Variants in CYP4F11 observed in about 807,000 individuals in gnomAD.
CYP4F11 encodes the protein cytochrome P450 family 4 subfamily F member 11.
CYP4F11 carries 79 observed loss-of-function variants against 62.2 expected under a neutral mutation model. The observed-to-expected ratio is 1.27, with a 90% confidence interval of 1.06 to 1.53. CYP4F11 has a LOEUF of 1.53. Ranked by LOEUF, CYP4F11 falls within the 40% of genes most tolerant of loss-of-function variation. The pLI, the probability that CYP4F11 is intolerant of heterozygous loss-of-function variation, is 0.00. For synonymous variants in CYP4F11, 290 were observed against 263.7 expected (o/e 1.10, Z -0.97); for missense variants, 777 against 680.5 (o/e 1.14, Z -1.58).
In CYP4F11 at chr19:15,912,790, A is replaced by AGTGTGTGTGTG. The variant is rs775427798; in HGVS notation, c.*941_*942insCACACACACAC. 1,585 of 43,458 alleles carry AGTGTGTGTGTG rather than the reference A, an allele frequency of 0.036. 144 individuals are homozygous for AGTGTGTGTGTG. The highest frequency in any genetic ancestry group is 0.064 in the African/African-American group (481 of 7,460). The allele number at this position is 43,458 out of a possible 1,614,324, so 2.7% of individuals were successfully genotyped here. A position where few individuals can be genotyped will look rare whatever the true frequency, so the allele number is the denominator to read the frequency against. ...GTGTGTGTATATATATATATATATA[A>AGTGTGTGTGTG]TATATATATATATATACATATCTTA... On this transcript the variant is annotated 3_prime_UTR_variant, in exon 12 of 12. Coordinates refer to ENST00000402119, the MANE Select transcript of CYP4F11 (RefSeq NM_021187.4).
intron 2 of CYP4F11, 34 bp from the exon 3 acceptor site, chr19:15,927,517 G>A (rs1465406033): frequency 6.2e-7 from 1 of 1,612,280 alleles, no homozygotes. Context: ...TGGCCATGGA[G>A]AGGGGTGAGA....
rs2089536280 is a variant in CYP4F11, at chr19:15,912,390, CTT to C, written c.*1340_*1341del. On this transcript the variant is annotated 3_prime_UTR_variant, in exon 12 of 12. Transcript: ENST00000402119. ...AATAGATCCAAATAAATATAGGCAA[CTT>C]ATATTTGATAAAGGTGCAAAGGCAA... is the stretch of plus-strand genomic sequence containing the variant. 1 of 151,876 alleles carries C rather than the reference CTT, an allele frequency of 6.6e-6. No individual in the cohort carries two copies. The highest frequency in any genetic ancestry group is 2.4e-5 in the African/African-American group (1 of 41,322). 9.4% of individuals were successfully genotyped at this position (151,876 alleles called of 1,614,324 possible).
At chr19:15,919,471 T>TATAGATG in intron 8 of CYP4F11, among the ~76,000 whole-genome samples, 1 of 136,670 alleles carries the variant, frequency 7.3e-6, no homozygotes, top group Admixed American at 7.6e-5. Context: ...TGGACAGATG[T>TATAGATG]ATAGATAGAT....
chr19:15,927,539 G>C, intron 2 of CYP4F11, 56 bp from the exon 3 acceptor site: 1 of 1,608,344 alleles, frequency 6.2e-7, no homozygotes, highest in Non-Finnish European at 8.5e-7. Context: ...AAGGACTTTG[G>C]GTATGGAGGA....
At position 15,913,844 on chromosome 19, in the gene CYP4F11, T is replaced by G; in HGVS notation, c.1463A>C (p.His488Pro). The change falls in exon 12 of 12, where the codon CAC (histidine) becomes CCC (proline). Residue 488 changes from histidine to proline, a missense_variant. Physicochemically the swap from His to Pro is moderately conservative, Grantham distance 77. Coordinates refer to ENST00000402119, the MANE Select transcript of CYP4F11 (RefSeq NM_021187.4). ...AGTGTGGGTCGGCAGGATGCGGAAG[T>G]GCAGCAGGGTGAGCGCCAGGACCAC... ...MKVVLALTLL[H>P]FRILPTHTEP... The G allele has an allele frequency of 2.5e-6, 4 of 1,614,064 alleles. No homozygotes were observed. The highest frequency in any genetic ancestry group is 3.4e-6 in the Non-Finnish European group (4 of 1,179,980).
upstream of CYP4F11, chr19:15,934,556 T>C: frequency 1.1e-6 from 1 of 949,018 alleles, no homozygotes; most frequent in Non-Finnish European, 1.5e-6. Flanking sequence ...AGCTGAGATC[T>C]AAAGTCCAGA....
At chr19:15,913,937 T>C (rs751954522) in intron 11 of CYP4F11, 28 bp from the exon 12 acceptor site, 12 of 1,593,206 alleles carry the variant, frequency 7.5e-6, no homozygotes, top group African/African-American at 1.3e-5. Flanking sequence ...GGAATCTGAC[T>C]GTGCCCATGA....
intron 8 of CYP4F11, among the ~76,000 whole-genome samples, chr19:15,919,471 TATAGATAG>T (rs3056072): frequency 0.012 from 1,623 of 136,658 alleles, 13 homozygotes; most frequent in East Asian, 0.025. Flanking sequence ...TGGACAGATG[TATAGATAG>T]ATAGATAGAT....
At position 15,923,238 on chromosome 19, in the gene CYP4F11, CCTCTCTCTCTCT is replaced by C. The variant is rs3056063; in HGVS notation, c.918+562_918+573del. 2.5e-3 allele frequency among the ~76,000 whole-genome samples: 278 copies of C among 110,514 alleles called. 2 individuals carry two copies. The highest frequency in any genetic ancestry group is 6.0e-3 in the South Asian group (16 of 2,688). 72.5% of individuals were successfully genotyped at this position (110,514 alleles called of 152,430 possible). A position where few individuals can be genotyped will look rare whatever the true frequency, so the allele number is the denominator to read the frequency against. On this transcript the variant is annotated intron_variant, in intron 6 of 11. Transcript: ENST00000402119. The stretch of plus-strand genomic sequence containing the variant: ...TTTTATTCCAGAACAAAGCAAACAT[CCTCTCTCTCTCT>C]CTCTCTCTCTCTCTCTCTCTCTCTC...
At chr19:15,926,849 C>CTCTTCTGCTTATTAA (rs774598340) in intron 4 of CYP4F11, among the ~76,000 whole-genome samples, 1 of 151,908 alleles carries the variant, frequency 6.6e-6, no homozygotes, top group African/African-American at 2.4e-5. Context: ...GAAGAACCAG[C>CTCTTCTGCTTATTAA]CAACTGTCTC....
chr19:15,930,411 C>T (rs150870794), intron 1 of CYP4F11, among the ~76,000 whole-genome samples: 9 of 152,078 alleles, frequency 5.9e-5, no homozygotes, highest in South Asian at 2.1e-4. Flanking sequence ...ACCAACACAG[C>T]GAAATCCCCG....
rs146291812 is a variant in CYP4F11 at position 15,933,829 on chromosome 19, A to G, written c.198+382T>C. Among the ~76,000 whole-genome samples the G allele has an allele frequency of 2.4e-3, 29 of 12,078 alleles. 1 individual carries two copies. The highest frequency in any genetic ancestry group is 4.9e-3 in the African/African-American group (14 of 2,836). 7.9% of individuals were successfully genotyped at this position (12,078 alleles called of 152,430 possible). A position where few individuals can be genotyped will look rare whatever the true frequency, so the allele number is the denominator to read the frequency against. On this transcript the variant is annotated intron_variant, in intron 1 of 11. Coordinates refer to ENST00000402119, the MANE Select transcript of CYP4F11 (RefSeq NM_021187.4). Reference sequence around the variant, plus strand: ...GGAGAAGAATGAGTGAGTGAGGAGAAGAATGAGTGAGTGAGGAGAGGAATG... The same window carrying G: ...GGAGAAGAATGAGTGAGTGAGGAGAGGAATGAGTGAGTGAGGAGAGGAATG...
At position 15,922,109 on chromosome 19, in the gene CYP4F11, G is replaced by T; in HGVS notation, c.1043C>A (p.Pro348Gln). 6.2e-7 allele frequency: 1 copy of T among 1,614,092 alleles called. No homozygotes were observed. The highest frequency in any genetic ancestry group is 1.1e-5 in the South Asian group (1 of 91,082). The change falls in exon 8 of 12, where the codon CCA (proline) becomes CAA (glutamine). Residue 348 changes from proline to glutamine, a missense_variant. Transcript: ENST00000402119. ...SWVLYHLAKHPEYQEQCRQEV... is the reference protein window; with the variant it reads ...SWVLYHLAKHQEYQEQCRQEV... ...TTGCCGGCACTGTTCCTGGTATTCTGGGTGCTTTGCAAGGTGGTATAGGAC... is the reference window on the plus strand; with the variant it reads ...TTGCCGGCACTGTTCCTGGTATTCTTGGTGCTTTGCAAGGTGGTATAGGAC...
chr19:15,924,156 GC>G, intron 5 of CYP4F11, 74 bp from the exon 6 acceptor site: 1 of 1,531,266 alleles, frequency 6.5e-7, no homozygotes. Flanking sequence ...AGAAGCTACT[GC>G]CCATCAGGAA....
Position 15,934,289 on chromosome 19 carries a change from G to C in CYP4F11, c.120C>G (p.Thr40=). Residue 40 remains threonine, a synonymous_variant, in exon 1 of 12, where the codon ACC becomes ACG. Coordinates refer to ENST00000402119, the MANE Select transcript of CYP4F11 (RefSeq NM_021187.4). ...LLARVLAWTY[T]FYDNCRRLQC... ...GGAGGCGGCGGCAGTTGTCATAGAA[G>C]GTGTAGGTCCAGGCCAGGACGCGGG... The C allele has an allele frequency of 6.2e-7, 1 of 1,613,852 alleles. No individual in the cohort carries two copies. The highest frequency in any genetic ancestry group is 1.7e-5 in the Admixed American group (1 of 60,008).
chr19:15,932,609 G>A (rs368924988), intron 1 of CYP4F11, among the ~76,000 whole-genome samples: 1 of 6 alleles, frequency 0.17, no homozygotes, highest in Non-Finnish European at 0.25. Flanking sequence ...AGTGAGGAGA[G>A]GAATGAGTGA....
In CYP4F11 at chr19:15,914,640, C is replaced by T. The variant is rs1599369551; in HGVS notation, c.1276G>A (p.Gly426Arg). 3 of 1,614,066 alleles carry T rather than the reference C, an allele frequency of 1.9e-6. No individual in the cohort carries two copies. The highest frequency in any genetic ancestry group is 2.5e-6 in the Non-Finnish European group (3 of 1,180,004). ...CACACAGTTGGGTTGTAATGGATCC[C>T]GATAATATTGATGAGGCAGACAATG... ...KGIVCLINII[G>R]IHYNPTVWPD... Residue 426 changes from glycine (G) to arginine (R), a missense_variant, in exon 10 of 12, where the codon GGG becomes AGG. Physicochemically the swap from Gly to Arg is moderately radical, Grantham distance 125. Transcript: ENST00000402119.
At chr19:15,927,908 A>C in intron 2 of CYP4F11, 1 of 177,668 alleles carries the variant, frequency 5.6e-6, no homozygotes, top group South Asian at 1.6e-4. Flanking sequence ...CATATGACAA[A>C]CCCTAAATGA....
chr19:15,914,226 G>A (rs1445725271), intron 11 of CYP4F11, 79 bp downstream of exon 11: 1 of 1,488,850 alleles, frequency 6.7e-7, no homozygotes, highest in African/African-American at 1.4e-5. Flanking sequence ...AGCTGGAACT[G>A]GGACCATCTG....
Sources: allele counts gnomAD v4.1 joint callset (sites outside exome capture counted in the v4.1 genomes callset), GRCh38; gene constraint gnomAD v4.1.1; transcripts MANE v1.5; gene names NCBI Gene and HGNC (gene_info 2026-07-23, HGNC 2026-07-21).